The following CAMSAP2 variants were observed in gnomAD, a reference collection of about 807,000 sequenced individuals.
CAMSAP2 encodes calmodulin regulated spectrin associated protein family member 2.
A neutral mutation model predicts 146.1 loss-of-function variants in CAMSAP2; 26 were observed. The ratio of observed to expected loss-of-function variants is 0.18; its 90% CI spans 0.13 to 0.25. The LOEUF is 0.25. Ranked by LOEUF, CAMSAP2 falls within the 10% of genes least tolerant of loss-of-function variation. CAMSAP2 has a pLI of 1.00. For missense variants in CAMSAP2, 1,381 were observed against 1,759.3 expected (o/e 0.78, Z 3.85); for synonymous variants, 499 against 596.6 (o/e 0.84, Z 2.38).
At chr1:200,804,834 C>A (rs1046160888) in intron 2 of CAMSAP2, among the ~76,000 whole-genome samples, 1 of 151,960 alleles carries the variant, frequency 6.6e-6, no homozygotes. Context: ...ATTATTGATC[C>A]TACTTTTTCT....
chr1:200,802,117 T>G (rs1666050723), intron 2 of CAMSAP2, among the ~76,000 whole-genome samples: 1 of 152,220 alleles, frequency 6.6e-6, no homozygotes, highest in South Asian at 2.1e-4. Flanking sequence ...TGTCTTTGGA[T>G]TGGAAGCCTT....
chr1:200,828,533 C>A, intron 4 of CAMSAP2: 1 of 1,546,952 alleles, frequency 6.5e-7, no homozygotes, highest in Non-Finnish European at 8.7e-7. Flanking sequence ...TTTCCCTTTA[C>A]CTTTTGCTTT....
rs770588227 is a variant in CAMSAP2, at chr1:200,848,993, A to G, written c.2224A>G (p.Thr742Ala). 8 of 1,614,172 alleles carry G rather than the reference A, an allele frequency of 5.0e-6. No individual in the cohort carries two copies. The highest frequency in any genetic ancestry group is 4.5e-5 in the East Asian group (2 of 44,886). The change falls in exon 11 of 17, where the codon ACT (threonine) becomes GCT (alanine). Residue 742 changes from threonine to alanine, a missense_variant. Thr to Ala is a moderately conservative substitution (Grantham distance 58). Transcript: ENST00000358823. ...AACAGGGCTTCCACAGGGACGGGAC[A>G]CTACCCAGCTGTTGGCCTCTGAAAT... is the stretch of plus-strand genomic sequence containing the variant. Reference protein sequence around the residue: ...EETGLPQGRDTTQLLASEMVH... With the variant: ...EETGLPQGRDATQLLASEMVH...
intron 4 of CAMSAP2, among the ~76,000 whole-genome samples, chr1:200,827,000 A>G (rs761926232): frequency 5.3e-5 from 8 of 152,232 alleles, no homozygotes; most frequent in Non-Finnish European, 4.4e-5. Context: ...CACTTCAGAA[A>G]TGGCGTTATT....
At position 200,760,962 on chromosome 1, in the gene CAMSAP2, T is replaced by C. The variant is rs1307834196; in HGVS notation, c.263T>C (p.Ile88Thr). The C allele has an allele frequency of 6.2e-7, 1 of 1,614,016 alleles. No individual in the cohort carries two copies. Among genetic ancestry groups the C allele is most frequent in the Non-Finnish European group, 8.5e-7 (1 of 1,180,014 alleles). ...CTATACTGTCGTGCTGGGAGTCTCA[T>C]TCTCAAGAGTGATGCTGCAAAACCC... ...AELYCRAGSL[I>T]LKSDAAKPLL... The change falls in exon 2 of 17, where the codon ATT becomes ACT. Residue 88 changes from isoleucine to threonine, a missense_variant. Physicochemically the swap from Ile to Thr is moderately conservative, Grantham distance 89. Coordinates refer to ENST00000358823, the MANE Select transcript of CAMSAP2 (RefSeq NM_203459.4).
intron 2 of CAMSAP2, among the ~76,000 whole-genome samples, chr1:200,795,888 G>T (rs572378762): frequency 6.6e-6 from 1 of 152,088 alleles, no homozygotes; most frequent in South Asian, 2.1e-4. Context: ...CAGTATCATT[G>T]TGCTGATAGT....
intron 2 of CAMSAP2, among the ~76,000 whole-genome samples, chr1:200,805,344 CT>C: frequency 6.6e-6 from 1 of 152,310 alleles, no homozygotes; most frequent in Non-Finnish European, 1.5e-5. Context: ...AAAAGGCTAG[CT>C]TCTTTCTTTC....
intron 2 of CAMSAP2, among the ~76,000 whole-genome samples, chr1:200,781,595 G>T (rs1182548191): frequency 6.6e-6 from 1 of 151,944 alleles, no homozygotes; most frequent in Admixed American, 6.6e-5. Flanking sequence ...AGCTTGAAGT[G>T]CAGTGGCATC....
In CAMSAP2 at chr1:200,849,385, A is replaced by C. The variant is rs1667554891; in HGVS notation, c.2616A>C (p.Leu872Phe). The change falls in exon 11 of 17, where the codon TTA becomes TTC. Residue 872 changes from leucine (L) to phenylalanine (F), a missense_variant. By Grantham distance (22) the Leu-to-Phe change is conservative. Coordinates refer to ENST00000358823, the MANE Select transcript of CAMSAP2 (RefSeq NM_203459.4). This position sits in a 1 kb window ranked among gnomAD's most constrained non-coding sequence, Gnocchi z 6.3. The stretch of plus-strand genomic sequence containing the variant: ...TGGCAAGCCCCTCAGAAGAAACTTT[A>C]AATGAAGGAGAGATTTTAGAATATA... ...WNLASPSEET[L>F]NEGEILEYTK... 3.7e-6 allele frequency: 6 copies of C among 1,614,088 alleles called. No individual in the cohort carries two copies. The highest frequency in any genetic ancestry group is 5.1e-6 in the Non-Finnish European group (6 of 1,179,986).
At chr1:200,834,617 A>G (rs2102222031) in intron 6 of CAMSAP2, among the ~76,000 whole-genome samples, 1 of 152,322 alleles carries the variant, frequency 6.6e-6, no homozygotes, top group South Asian at 2.1e-4. Context: ...ACTGAACTAC[A>G]ATATAAAAAC....
At chr1:200,748,686 A>G (rs1043938014) in intron 1 of CAMSAP2, among the ~76,000 whole-genome samples, 2 of 151,774 alleles carry the variant, frequency 1.3e-5, no homozygotes, top group Non-Finnish European at 2.9e-5. Flanking sequence ...GATATTAACA[A>G]GTTTCTCTTT....
intron 11 of CAMSAP2, among the ~76,000 whole-genome samples, chr1:200,851,448 G>A (rs1667617061): frequency 6.6e-6 from 1 of 152,196 alleles, no homozygotes; most frequent in African/African-American, 2.4e-5. Context: ...ACCCGCCTCA[G>A]CCTCCCAAAG....
chr1:200,815,185 A>C (rs1666448710), intron 3 of CAMSAP2, among the ~76,000 whole-genome samples: 1 of 152,156 alleles, frequency 6.6e-6, no homozygotes, highest in South Asian at 2.1e-4. Context: ...AACAACATTA[A>C]TTTTAGGGAA....
Position 200,844,779 on chromosome 1 carries a change from C to T in CAMSAP2, c.1022-3C>T. On this transcript the variant is annotated splice_polypyrimidine_tract_variant and splice_region_variant and intron_variant, in intron 7 of 16. Coordinates refer to ENST00000358823, the MANE Select transcript of CAMSAP2 (RefSeq NM_203459.4). ...GGGTGTTTTTAAAAATCTTTTATTC[C>T]AGCTGAACCTGTAAAAGATATGCCT... 1 of 1,547,418 alleles carries T rather than the reference C, an allele frequency of 6.5e-7. No individual in the cohort carries two copies. Among genetic ancestry groups the T allele is most frequent in the Non-Finnish European group, 8.7e-7 (1 of 1,147,476 alleles).
chr1:200,848,578 T>A lies in CAMSAP2; in HGVS notation c.1809T>A (p.Thr603=). 6.2e-7 allele frequency: 1 copy of A among 1,614,074 alleles called. No individual in the cohort carries two copies. Among genetic ancestry groups the A allele is most frequent in the Non-Finnish European group, 8.5e-7 (1 of 1,179,928 alleles). The change falls in exon 11 of 17, where the codon ACT becomes ACA. Residue 603 remains threonine, a synonymous_variant. Transcript: ENST00000358823. ...TDTKGALSPI[T]DNTEVDTGIH... is the part of the protein sequence containing the mutation. ...CGAAAGGTGCCTTGAGTCCCATAAC[T>A]GACAATACTGAAGTAGACACTGGAA... is the stretch of plus-strand genomic sequence containing the variant.
At position 200,807,523 on chromosome 1, in the gene CAMSAP2, T is replaced by C. The variant is rs1465795020; in HGVS notation, c.547T>C (p.Tyr183His). The change falls in exon 3 of 17, where the codon TAC becomes CAC. Residue 183 changes from tyrosine (Y) to histidine (H), a missense_variant. Transcript: ENST00000358823. Reference sequence around the variant, plus strand: ...CTATGATATTGAGGACGCTGTCATGTACTGGATAAATAAGGTAGGATTATA... The same window carrying C: ...CTATGATATTGAGGACGCTGTCATGCACTGGATAAATAAGGTAGGATTATA... The part of the protein sequence containing the change: ...LPYDIEDAVM[Y>H]WINKVNEHLK... 1 of 1,603,430 alleles carries C rather than the reference T, an allele frequency of 6.2e-7. No individual in the cohort carries two copies. The highest frequency in any genetic ancestry group is 1.3e-5 in the African/African-American group (1 of 74,500).
chr1:200,741,174 G>A (rs1486613739), intron 1 of CAMSAP2, among the ~76,000 whole-genome samples: 1 of 152,160 alleles, frequency 6.6e-6, no homozygotes, highest in Admixed American at 6.5e-5. Context: ...ATTTGAATTT[G>A]TTTTTGGGGA....
intron 2 of CAMSAP2, among the ~76,000 whole-genome samples, chr1:200,784,558 A>G (rs1035530027): frequency 6.6e-6 from 1 of 152,174 alleles, no homozygotes; most frequent in Non-Finnish European, 1.5e-5. Flanking sequence ...TAAATTATTT[A>G]TTGCTAATAT....
chr1:200,857,436 T>A lies in CAMSAP2; in HGVS notation c.4131+12T>A, dbSNP rs1667776136. ...AAAAAATACTGGAGGTAAGCATGTT[T>A]GCATGAAAATTAAATTTGGCAAACT... On this transcript the variant is annotated intron_variant, in intron 16 of 16. Coordinates refer to ENST00000358823, the MANE Select transcript of CAMSAP2 (RefSeq NM_203459.4). This position sits in a 1 kb window ranked among gnomAD's most constrained non-coding sequence, Gnocchi z 4.7. The A allele has an allele frequency of 6.4e-7, 1 of 1,565,836 alleles. No homozygotes were observed. Among genetic ancestry groups the A allele is most frequent in the Admixed American group, 1.7e-5 (1 of 59,700 alleles).
Sources: gnomAD v4.1 joint callset for allele counts (sites outside exome capture counted in the v4.1 genomes callset) on GRCh38, gnomAD v4.1.1 for gene constraint, Gnocchi (gnomAD v3.1) non-coding constraint, MANE v1.5 for transcripts, NCBI Gene and HGNC (gene_info 2026-07-23, HGNC 2026-07-21) for gene names.